Variants in SYT9 observed in about 807,000 individuals in gnomAD.
SYT9 encodes the protein synaptotagmin 9, also known as synaptotagmin-9.
Under a neutral mutation model 48.4 loss-of-function variants are expected in SYT9, and 22 were observed. The ratio of observed to expected loss-of-function variants is 0.45; its 90% CI spans 0.32 to 0.65. The LOEUF is 0.65. Among genes scored for constraint, SYT9 ranks in the 30% least tolerant of loss-of-function variants. The pLI is 0.03. For missense variants in SYT9, 577 were observed against 622.0 expected (o/e 0.93, Z 0.77); for synonymous variants, 265 against 245.0 (o/e 1.08, Z -0.76).
chr11:7,401,150 C>T (rs1846883845), intron 3 of SYT9, among the ~76,000 whole-genome samples: 1 of 151,998 alleles, frequency 6.6e-6, no homozygotes, highest in Admixed American at 6.6e-5. Flanking sequence ...TTTGCTTTCT[C>T]ATGGTTCAAT....
chr11:7,317,624 G>A (rs1179617550), intron 3 of SYT9, among the ~76,000 whole-genome samples: 1 of 152,128 alleles, frequency 6.6e-6, no homozygotes, highest in Non-Finnish European at 1.5e-5. Flanking sequence ...TCACACTGGG[G>A]ATTAGGGTTT....
intron 6 of SYT9, among the ~76,000 whole-genome samples, chr11:7,423,444 C>A (rs775438123): frequency 1.2e-4 from 18 of 152,152 alleles, no homozygotes; most frequent in Non-Finnish European, 1.3e-4. Context: ...GAATTGCTGT[C>A]CTGCCACTCA....
chr11:7,383,015 AATT>A (rs1274935747), intron 3 of SYT9, among the ~76,000 whole-genome samples: 4 of 152,230 alleles, frequency 2.6e-5, no homozygotes, highest in African/African-American at 9.6e-5. Flanking sequence ...AGTGAATGCT[AATT>A]ATTAGTAGGA....
intron 3 of SYT9, among the ~76,000 whole-genome samples, chr11:7,349,856 C>G (rs1014386916): frequency 6.6e-6 from 1 of 152,184 alleles, no homozygotes; most frequent in Non-Finnish European, 1.5e-5. Flanking sequence ...ACTCAGTTTT[C>G]CCGATTATAC....
At chr11:7,290,187 A>G (rs547401784) in intron 1 of SYT9, among the ~76,000 whole-genome samples, 1 of 152,120 alleles carries the variant, frequency 6.6e-6, no homozygotes, top group African/African-American at 2.4e-5. Flanking sequence ...CCAGGAGTCC[A>G]CTCTCTATTC....
chr11:7,253,802 G>C (rs1847916555), intron 1 of SYT9, among the ~76,000 whole-genome samples: 1 of 152,122 alleles, frequency 6.6e-6, no homozygotes. Flanking sequence ...TCACAAGCTG[G>C]AGTCCCAGGA....
intron 6 of SYT9, among the ~76,000 whole-genome samples, chr11:7,443,000 G>T (rs1231664700): frequency 4.6e-5 from 7 of 152,138 alleles, no homozygotes; most frequent in Non-Finnish European, 8.8e-5. Flanking sequence ...GAGAGAGAGA[G>T]ATAATGAATG....
intron 6 of SYT9, among the ~76,000 whole-genome samples, chr11:7,451,730 C>T (rs910234156): frequency 6.6e-5 from 10 of 152,132 alleles, no homozygotes; most frequent in African/African-American, 2.4e-4. Context: ...TGTGAGGATG[C>T]AAATGTGGGG....
chr11:7,336,284 G>A (rs764474825), intron 3 of SYT9, among the ~76,000 whole-genome samples: 1 of 152,112 alleles, frequency 6.6e-6, no homozygotes, highest in Non-Finnish European at 1.5e-5. Context: ...CTCCTGTTCT[G>A]TAGTTTGTTT....
chr11:7,268,343 ATACT>A, intron 1 of SYT9, among the ~76,000 whole-genome samples: 2 of 151,986 alleles, frequency 1.3e-5, no homozygotes, highest in Admixed American at 6.6e-5. Context: ...AACAATTCAT[ATACT>A]GTAAAAACTA....
At chr11:7,274,441 C>T (rs534313274) in intron 1 of SYT9, among the ~76,000 whole-genome samples, 3 of 151,916 alleles carry the variant, frequency 2.0e-5, no homozygotes, top group East Asian at 1.9e-4. Flanking sequence ...CTCAGCCTCC[C>T]GAGTAGCTGG....
intron 1 of SYT9, among the ~76,000 whole-genome samples, chr11:7,278,647 G>A (rs1848440562): frequency 6.6e-6 from 1 of 152,152 alleles, no homozygotes; most frequent in Admixed American, 6.5e-5. Flanking sequence ...AACTGTTGTT[G>A]TGTTCTATAA....
intron 1 of SYT9, among the ~76,000 whole-genome samples, chr11:7,296,363 T>A (rs1052511198): frequency 6.6e-6 from 1 of 152,226 alleles, no homozygotes; most frequent in Non-Finnish European, 1.5e-5. Context: ...CCCAGACAAC[T>A]TAAGTTCAAT....
At chr11:7,325,412 TTGTC>T (rs1407467981) in intron 3 of SYT9, among the ~76,000 whole-genome samples, 3 of 136,716 alleles carry the variant, frequency 2.2e-5, no homozygotes, top group Non-Finnish European at 3.1e-5. Context: ...GGCTCTCTGT[TTGTC>T]TGTTGTTGGT....
intron 3 of SYT9, among the ~76,000 whole-genome samples, chr11:7,316,386 GGCATTTTATT>G (rs377643117): frequency 4.0e-4 from 61 of 151,970 alleles, no homozygotes; most frequent in African/African-American, 1.4e-3. Context: ...TGTCTATTTT[GGCATTTTATT>G]GCTCTTCTTT....
chr11:7,252,192 C>T lies in SYT9; in HGVS notation c.6C>T (p.Pro2=), dbSNP rs1474995332. Residue 2 remains proline, a synonymous_variant, in exon 1 of 7, where the codon CCC becomes CCT. Coordinates refer to ENST00000318881, the MANE Select transcript of SYT9 (RefSeq NM_175733.4). The surrounding 1 kb of genome is among the most constrained non-coding windows in gnomAD (Gnocchi z 6.3). M[P]GARDALCHQA... is the part of the protein sequence containing the mutation. Reference sequence around the variant, plus strand: ...TCCGAGGATGCGGGGGGGCGATGCCCGGGGCCAGGGACGCGCTCTGTCACC... The same window carrying T: ...TCCGAGGATGCGGGGGGGCGATGCCTGGGGCCAGGGACGCGCTCTGTCACC... 2.1e-6 allele frequency: 3 copies of T among 1,454,840 alleles called. No homozygotes were observed. The highest frequency in any genetic ancestry group is 2.7e-6 in the Non-Finnish European group (3 of 1,104,806). The allele number at this position is 1,454,840 out of a possible 1,614,324, so 90.1% of individuals were successfully genotyped here.
intron 6 of SYT9, among the ~76,000 whole-genome samples, chr11:7,432,581 AAATATATATACATATATATATATATATAT>A (rs1847619034): frequency 6.5e-4 from 2 of 3,086 alleles, no homozygotes; most frequent in African/African-American, 2.3e-3. Context: ...AAAAAAAAAA[AAATATATATACATATATATATATATATAT>A]ATATATATAT....
chr11:7,355,890 A>G (rs1210248808), intron 3 of SYT9, among the ~76,000 whole-genome samples: 1 of 152,200 alleles, frequency 6.6e-6, no homozygotes, highest in Non-Finnish European at 1.5e-5. Context: ...CCAGGAGCTC[A>G]TTGGTGGCCC....
At chr11:7,378,435 T>C (rs1850496218) in intron 3 of SYT9, among the ~76,000 whole-genome samples, 1 of 152,046 alleles carries the variant, frequency 6.6e-6, no homozygotes, top group Admixed American at 6.6e-5. Flanking sequence ...TGCTCCTGAG[T>C]AATCTTTCAG....
Sources: gnomAD v4.1 joint callset for allele counts (sites outside exome capture counted in the v4.1 genomes callset) on GRCh38, gnomAD v4.1.1 for gene constraint, Gnocchi (gnomAD v3.1) non-coding constraint, MANE v1.5 for transcripts, NCBI Gene and HGNC (gene_info 2026-07-23, HGNC 2026-07-21) for gene names.